The following PCCA variants were observed in gnomAD, a reference collection of about 807,000 sequenced individuals.
PCCA encodes the protein propionyl-CoA carboxylase alpha chain, mitochondrial.
A neutral mutation model predicts 101.3 loss-of-function variants in PCCA; 74 were observed. That is an observed-to-expected ratio of 0.73 (90% CI 0.61 to 0.89). The LOEUF is 0.89. PCCA is among the 40% of genes least tolerant of loss of function. The pLI, the probability that PCCA is intolerant of heterozygous loss-of-function variation, is 0.00. For missense variants in PCCA, 891 were observed against 907.0 expected, an observed-to-expected ratio of 0.98 and a Z score of 0.23; for synonymous variants, 294 against 313.6, an observed-to-expected ratio of 0.94 and a Z score of 0.66.
At chr13:100,232,392 G>GTGTGTGTGTGTGTGTGTGT (rs3034687) in intron 7 of PCCA, among the ~76,000 whole-genome samples, 1 of 148,816 alleles carries the variant, frequency 6.7e-6, no homozygotes, top group Non-Finnish European at 1.5e-5. Flanking sequence ...GTGTGTGTGT[G>GTGTGTGTGTGTGTGTGTGT]GTTTTAGAGA....
chr13:100,246,999 C>T (rs2061471229), intron 8 of PCCA, among the ~76,000 whole-genome samples: 1 of 151,636 alleles, frequency 6.6e-6, no homozygotes, highest in Non-Finnish European at 1.5e-5. Context: ...ACCTCCGCCT[C>T]CCGGGTTCAA....
chr13:100,170,750 G>A (rs773596828), intron 6 of PCCA, among the ~76,000 whole-genome samples: 2 of 152,148 alleles, frequency 1.3e-5, no homozygotes, highest in African/African-American at 2.4e-5. Flanking sequence ...TTTGATAACA[G>A]CATTTATAGT....
chr13:100,138,692 T>A (rs112752355), intron 4 of PCCA, among the ~76,000 whole-genome samples: 22,729 of 151,974 alleles, frequency 0.15, 1,858 homozygotes, highest in Non-Finnish European at 0.19. Flanking sequence ...CACAGCACTT[T>A]GGGAGGCCGA....
At chr13:100,496,195 C>T (rs1198977277) in intron 21 of PCCA, among the ~76,000 whole-genome samples, 1 of 152,188 alleles carries the variant, frequency 6.6e-6, no homozygotes, top group African/African-American at 2.4e-5. Context: ...TGCCAGTTTT[C>T]CTACTCTTTA....
At chr13:100,116,598 C>G (rs2048821329) in intron 4 of PCCA, among the ~76,000 whole-genome samples, 1 of 152,144 alleles carries the variant, frequency 6.6e-6, no homozygotes, top group Admixed American at 6.6e-5. Context: ...TTAGGATGAG[C>G]TGGCCAATTA....
intron 21 of PCCA, among the ~76,000 whole-genome samples, chr13:100,495,377 C>T (rs1381712644): frequency 6.6e-6 from 1 of 152,178 alleles, no homozygotes. Context: ...ATGGCCAGCA[C>T]TGGAGAGACG....
At chr13:100,217,746 T>G (rs1447197369) in intron 7 of PCCA, among the ~76,000 whole-genome samples, 1 of 149,964 alleles carries the variant, frequency 6.7e-6, no homozygotes, top group African/African-American at 2.5e-5. Context: ...TGTCAGCTAC[T>G]TGGGAGGCTG....
intron 4 of PCCA, among the ~76,000 whole-genome samples, chr13:100,117,715 A>G (rs550427583): frequency 6.6e-6 from 1 of 152,272 alleles, no homozygotes; most frequent in South Asian, 2.1e-4. Context: ...TGAGACATGT[A>G]TACCTATGTA....
At chr13:100,276,840 T>G (rs909319800) in intron 12 of PCCA, among the ~76,000 whole-genome samples, 2 of 152,228 alleles carry the variant, frequency 1.3e-5, no homozygotes, top group Admixed American at 1.3e-4. Context: ...TTATTTGTTT[T>G]GTAGTACATG....
At chr13:100,529,892 G>A (rs2088247769) in intron 23 of PCCA, among the ~76,000 whole-genome samples, 1 of 152,182 alleles carries the variant, frequency 6.6e-6, no homozygotes, top group South Asian at 2.1e-4. Flanking sequence ...GGAAAGGGGA[G>A]GAGTGAGCCA....
At chr13:100,490,476 G>T (rs1387414885) in intron 21 of PCCA, 2 of 152,218 alleles carry the variant, frequency 1.3e-5, no homozygotes, top group African/African-American at 4.8e-5. Context: ...TGCACAGTTA[G>T]ATAAATCTGT....
chr13:100,228,506 G>A (rs1194155979), intron 7 of PCCA, among the ~76,000 whole-genome samples: 1 of 152,146 alleles, frequency 6.6e-6, no homozygotes, highest in Non-Finnish European at 1.5e-5. Flanking sequence ...TTTAAAGAGT[G>A]TTAAGAATAA....
intron 18 of PCCA, among the ~76,000 whole-genome samples, chr13:100,359,340 T>G (rs1460599159): frequency 2.6e-5 from 4 of 152,086 alleles, no homozygotes; most frequent in African/African-American, 9.7e-5. Context: ...TCCTAGCCAG[T>G]GCAGTTGGAA....
intron 19 of PCCA, among the ~76,000 whole-genome samples, chr13:100,380,917 T>C (rs1442257114): frequency 1.3e-5 from 2 of 152,170 alleles, no homozygotes; most frequent in African/African-American, 4.8e-5. Flanking sequence ...ACTCTAAAAA[T>C]AGGCAAAAGA....
At chr13:100,409,661 C>T (rs373664355) in intron 19 of PCCA, among the ~76,000 whole-genome samples, 1 of 152,176 alleles carries the variant, frequency 6.6e-6, no homozygotes, top group African/African-American at 2.4e-5. Context: ...CCACTGGTCC[C>T]TACCTCCAGC....
intron 8 of PCCA, among the ~76,000 whole-genome samples, chr13:100,254,714 C>T (rs1174180691): frequency 2.0e-5 from 3 of 152,020 alleles, no homozygotes; most frequent in Non-Finnish European, 4.4e-5. Context: ...TGCCTGAAAT[C>T]GATTTGGCAT....
intron 20 of PCCA, among the ~76,000 whole-genome samples, chr13:100,428,078 T>C (rs1010303118): frequency 1.3e-4 from 20 of 152,116 alleles, no homozygotes; most frequent in Non-Finnish European, 2.1e-4. Context: ...TTTTTTTCTT[T>C]TTAAATGAGA....
intron 17 of PCCA, among the ~76,000 whole-genome samples, chr13:100,335,189 T>C (rs921545839): frequency 6.6e-6 from 1 of 152,220 alleles, no homozygotes; most frequent in Non-Finnish European, 1.5e-5. Context: ...GATTCAGAAC[T>C]ATTTTACCAT....
intron 6 of PCCA, among the ~76,000 whole-genome samples, chr13:100,202,718 CTCA>C (rs1268392965): frequency 6.6e-6 from 1 of 150,418 alleles, no homozygotes; most frequent in Non-Finnish European, 1.5e-5. Context: ...TTCAATATTT[CTCA>C]TCTTCTGTAT....
Sources: gnomAD v4.1 joint callset for allele counts (sites outside exome capture counted in the v4.1 genomes callset) on GRCh38, gnomAD v4.1.1 for gene constraint, MANE v1.5 for transcripts, NCBI Gene and HGNC (gene_info 2026-07-23, HGNC 2026-07-21) for gene names.